Variants in ANK3 observed in about 807,000 individuals in gnomAD.
ANK3 encodes ankyrin 3.
Under a neutral mutation model 370.9 loss-of-function variants are expected in ANK3, and 57 were observed. The ratio of observed to expected loss-of-function variants is 0.15; its 90% CI spans 0.12 to 0.19. ANK3 has a LOEUF of 0.19. Ranked by LOEUF, ANK3 falls within the 10% of genes least tolerant of loss-of-function variation. ANK3 has a pLI of 1.00. For synonymous variants in ANK3, 1,929 were observed against 1,946.3 expected (o/e 0.99, Z 0.23); for missense variants, 4,439 against 5,302.1 (o/e 0.84, Z 5.06).
chr10:60,430,663 ATTTT>A (rs1466992802), intron 2 of ANK3, among the ~76,000 whole-genome samples: 2 of 152,098 alleles, frequency 1.3e-5, no homozygotes, highest in Non-Finnish European at 2.9e-5. Context: ...ACCCCAGAGA[ATTTT>A]TTTATTAGCA....
intron 2 of ANK3, among the ~76,000 whole-genome samples, chr10:60,527,604 T>C (rs1211200477): frequency 6.6e-6 from 1 of 152,106 alleles, no homozygotes; most frequent in African/African-American, 2.4e-5. Context: ...CCTCCTCAAT[T>C]CAAGTAACAT....
At chr10:60,536,032 C>G (rs1340664335) in intron 2 of ANK3, among the ~76,000 whole-genome samples, 1 of 151,958 alleles carries the variant, frequency 6.6e-6, no homozygotes, top group Non-Finnish European at 1.5e-5. Flanking sequence ...ATAGCCATTG[C>G]AAATTGCAAC....
At chr10:60,110,430 TTA>T (rs1238876611) in intron 26 of ANK3, among the ~76,000 whole-genome samples, 1 of 152,178 alleles carries the variant, frequency 6.6e-6, no homozygotes, top group Non-Finnish European at 1.5e-5. Flanking sequence ...CTGAATGAAT[TTA>T]TGTCTCTTAC....
At position 60,257,702 on chromosome 10, in the gene ANK3, C is replaced by T. The variant is rs114946253; in HGVS notation, c.798+4157G>A. Among the ~76,000 whole-genome samples, 323 of 152,136 alleles carry T rather than the reference C, an allele frequency of 2.1e-3. 2 individuals are homozygous for T. The highest frequency in any genetic ancestry group is 7.4e-3 in the African/African-American group (307 of 41,498). On this transcript the variant is annotated intron_variant, in intron 7 of 43. Transcript: ENST00000280772. ...TTCCATTGTATTTACTGGCTCATTC[C>T]TGCTGCTTGGTAACATTTACTTTTT...
At chr10:60,439,027 ATT>A (rs1007183746) in intron 2 of ANK3, among the ~76,000 whole-genome samples, 1 of 152,180 alleles carries the variant, frequency 6.6e-6, no homozygotes, top group Non-Finnish European at 1.5e-5. Context: ...TTAAAATAAT[ATT>A]TTTTTCTCAT....
chr10:60,441,498 A>G (rs1388657340), intron 2 of ANK3, among the ~76,000 whole-genome samples: 5 of 152,150 alleles, frequency 3.3e-5, no homozygotes. Flanking sequence ...TACTTCTCCT[A>G]TCTTGAATTT....
intron 25 of ANK3, among the ~76,000 whole-genome samples, chr10:60,120,292 C>T (rs1322996364): frequency 2.0e-5 from 3 of 152,108 alleles, no homozygotes; most frequent in Admixed American, 1.3e-4. Context: ...CCCTATCTCT[C>T]GCCATATACA....
chr10:60,338,405 T>A (rs978981211), intron 1 of ANK3, among the ~76,000 whole-genome samples: 1 of 152,148 alleles, frequency 6.6e-6, no homozygotes. Context: ...AGCTCAAGAA[T>A]GTGCATTTAT....
intron 4 of ANK3, among the ~76,000 whole-genome samples, chr10:60,273,501 C>T (rs559672838): frequency 1.2e-4 from 18 of 152,220 alleles, no homozygotes; most frequent in Non-Finnish European, 2.4e-4. Flanking sequence ...AGTGATCACT[C>T]CCCATTTCCC....
At chr10:60,313,884 C>A (rs1397540699) in intron 1 of ANK3, among the ~76,000 whole-genome samples, 1 of 151,954 alleles carries the variant, frequency 6.6e-6, no homozygotes, top group Non-Finnish European at 1.5e-5. Context: ...GCACCTCCAG[C>A]CTGCATCACC....
intron 10 of ANK3, among the ~76,000 whole-genome samples, chr10:60,207,349 G>C (rs1376591343): frequency 6.6e-6 from 1 of 152,134 alleles, no homozygotes; most frequent in Non-Finnish European, 1.5e-5. Context: ...CCTCAAAATT[G>C]CTAGTAAACT....
intron 24 of ANK3, among the ~76,000 whole-genome samples, chr10:60,136,950 A>G (rs958857481): frequency 6.6e-6 from 1 of 152,314 alleles, no homozygotes; most frequent in East Asian, 1.9e-4. Context: ...TGTTAGAAAA[A>G]CATGCCTCAG....
Position 60,026,622 on chromosome 10 carries a change from A to G in ANK3, c.*3224T>C, listed in dbSNP as rs1046585. The G allele has an allele frequency of 5.3e-5, 8 of 152,230 alleles. No homozygotes were observed. The highest frequency in any genetic ancestry group is 5.2e-4 in the Admixed American group (8 of 15,286). The allele number at this position is 152,230 out of a possible 1,614,324, so 9.4% of individuals were successfully genotyped here. A position where few individuals can be genotyped will look rare whatever the true frequency, so the allele number is the denominator to read the frequency against. On this transcript the variant is annotated 3_prime_UTR_variant, in exon 44 of 44. Coordinates refer to ENST00000280772, the MANE Select transcript of ANK3 (RefSeq NM_020987.5). ...TCCTCAGTCTTGATGGAACTCCAGG[A>G]TGATACCAAATGAACAGCGAGGAAC...
intron 23 of ANK3, among the ~76,000 whole-genome samples, chr10:60,148,919 A>G (rs1452134203): frequency 6.6e-6 from 1 of 152,184 alleles, no homozygotes; most frequent in Non-Finnish European, 1.5e-5. Flanking sequence ...CCTCAACCCC[A>G]AATCCAGACT....
At chr10:60,469,089 AT>A (rs2065098429) in intron 2 of ANK3, among the ~76,000 whole-genome samples, 1 of 27,618 alleles carries the variant, frequency 3.6e-5, no homozygotes. Flanking sequence ...ATATATATAT[AT>A]ATATACCACT....
intron 18 of ANK3, among the ~76,000 whole-genome samples, chr10:60,174,143 C>A (rs2095864135): frequency 6.6e-6 from 1 of 151,878 alleles, no homozygotes; most frequent in Admixed American, 6.6e-5. Context: ...TTATGGTGAC[C>A]CCAGCAAATG....
At chr10:60,179,179 C>T (rs909946333) in intron 18 of ANK3, among the ~76,000 whole-genome samples, 2 of 152,184 alleles carry the variant, frequency 1.3e-5, no homozygotes, top group African/African-American at 4.8e-5. Context: ...CAAAATTAAG[C>T]AGCAAATGCA....
intron 2 of ANK3, among the ~76,000 whole-genome samples, chr10:60,448,791 T>C (rs1219405744): frequency 1.3e-5 from 2 of 152,212 alleles, no homozygotes; most frequent in Non-Finnish European, 2.9e-5. Context: ...CTTTGAGATA[T>C]CTTCTTTTGA....
At chr10:60,338,570 G>A (rs1346554411) in intron 1 of ANK3, among the ~76,000 whole-genome samples, 1 of 152,162 alleles carries the variant, frequency 6.6e-6, no homozygotes, top group Non-Finnish European at 1.5e-5. Flanking sequence ...ATGTCAACAT[G>A]TATTGGGCAA....
Sources: gnomAD v4.1 joint callset for allele counts (sites outside exome capture counted in the v4.1 genomes callset) on GRCh38, gnomAD v4.1.1 for gene constraint, MANE v1.5 for transcripts, NCBI Gene and HGNC (gene_info 2026-07-23, HGNC 2026-07-21) for gene names.